The following RIMS2 variants were observed in gnomAD, a reference collection of about 807,000 sequenced individuals.
RIMS2 encodes the protein regulating synaptic membrane exocytosis 2.
RIMS2 carries 59 observed loss-of-function variants against 174.4 expected under a neutral mutation model. The observed-to-expected ratio is 0.34, with a 90% CI of 0.27 to 0.42. RIMS2 has a LOEUF of 0.42. Among genes scored for constraint, RIMS2 ranks in the 10% least tolerant of loss-of-function variants. RIMS2 has a pLI of 1.00. For missense variants in RIMS2, 1,620 were observed against 1,666.3 expected (o/e 0.97, Z 0.48); for synonymous variants, 606 against 572.5 (o/e 1.06, Z -0.84).
chr8:103,636,951 G>A (rs1297360058), intron 1 of RIMS2, among the ~76,000 whole-genome samples: 2 of 152,094 alleles, frequency 1.3e-5, no homozygotes, highest in African/African-American at 2.4e-5. Flanking sequence ...TGCAAACGAA[G>A]GATTCAAGCT....
At chr8:103,519,621 T>C (rs890477231) in intron 1 of RIMS2, among the ~76,000 whole-genome samples, 3 of 152,148 alleles carry the variant, frequency 2.0e-5, no homozygotes, top group Non-Finnish European at 2.9e-5. Context: ...TCCTGGACTT[T>C]TTTTAAGTCA....
At chr8:104,170,724 T>A (rs904445295) in intron 19 of RIMS2, among the ~76,000 whole-genome samples, 1 of 152,132 alleles carries the variant, frequency 6.6e-6, no homozygotes, top group African/African-American at 2.4e-5. Flanking sequence ...GATACTTTTT[T>A]TTCAATGTGT....
At chr8:103,612,287 G>C (rs1350490369) in intron 1 of RIMS2, among the ~76,000 whole-genome samples, 11 of 152,090 alleles carry the variant, frequency 7.2e-5, no homozygotes, top group Non-Finnish European at 1.6e-4. Flanking sequence ...ATTGGGCCCT[G>C]GTGCCTTATT....
intron 16 of RIMS2, among the ~76,000 whole-genome samples, chr8:103,987,932 T>C (rs1357293842): frequency 6.6e-6 from 1 of 152,180 alleles, no homozygotes; most frequent in Non-Finnish European, 1.5e-5. Flanking sequence ...AAGGAATTAA[T>C]GAGAGATATG....
chr8:103,970,857 A>G (rs913713859), intron 15 of RIMS2, among the ~76,000 whole-genome samples: 1 of 152,230 alleles, frequency 6.6e-6, no homozygotes, highest in Non-Finnish European at 1.5e-5. Context: ...AAACAGAAAC[A>G]GAAACTAGAA....
At chr8:103,729,884 T>C (rs1267024368) in intron 2 of RIMS2, among the ~76,000 whole-genome samples, 6 of 152,190 alleles carry the variant, frequency 3.9e-5, no homozygotes, top group Admixed American at 3.9e-4. Flanking sequence ...TTTTTAGTTT[T>C]ATTTCATTGT....
At chr8:103,891,333 T>C (rs1247785104) in intron 4 of RIMS2, among the ~76,000 whole-genome samples, 1 of 152,116 alleles carries the variant, frequency 6.6e-6, no homozygotes, top group African/African-American at 2.4e-5. Context: ...TAGAAGTTTG[T>C]GACTTACTTG....
At chr8:103,852,519 G>T (rs751032735) in intron 3 of RIMS2, among the ~76,000 whole-genome samples, 3 of 151,372 alleles carry the variant, frequency 2.0e-5, no homozygotes, top group African/African-American at 4.9e-5. Context: ...TGCAAGCATG[G>T]TACCTAATAG....
At chr8:103,757,277 C>G (rs1242737781) in intron 2 of RIMS2, among the ~76,000 whole-genome samples, 1 of 152,024 alleles carries the variant, frequency 6.6e-6, no homozygotes, top group Non-Finnish European at 1.5e-5. Context: ...TTCACACAAA[C>G]GAATCTTGCA....
chr8:104,239,162 C>T (rs1281112343), intron 19 of RIMS2, among the ~76,000 whole-genome samples: 2 of 152,180 alleles, frequency 1.3e-5, no homozygotes, highest in African/African-American at 4.8e-5. Flanking sequence ...GTTTCCAAGT[C>T]AGTAGCAGAA....
intron 3 of RIMS2, among the ~76,000 whole-genome samples, chr8:103,772,952 G>A (rs182495935): frequency 2.0e-5 from 3 of 152,226 alleles, no homozygotes; most frequent in East Asian, 3.9e-4. Flanking sequence ...ACTGAAAGTG[G>A]ATCATAGAGA....
At chr8:104,145,613 G>C (rs547689103) in intron 19 of RIMS2, among the ~76,000 whole-genome samples, 1 of 151,362 alleles carries the variant, frequency 6.6e-6, no homozygotes, top group South Asian at 2.1e-4. Context: ...ATCACCTGAG[G>C]TCAGGAGTTC....
rs571618985 is a variant in RIMS2, at chr8:104,150,047, G to A, written c.3335-94869G>A. Reference sequence around the variant, plus strand: ...ATTTTAATGATTTTTAAAATTGTTAGTATTTATACCTAATTAACTATGTTG... The same window carrying A: ...ATTTTAATGATTTTTAAAATTGTTAATATTTATACCTAATTAACTATGTTG... On this transcript the variant is annotated intron_variant, in intron 19 of 23. Transcript: ENST00000504942. 2.3e-3 allele frequency among the ~76,000 whole-genome samples: 348 copies of A among 152,166 alleles called. 2 individuals are homozygous for A. The highest frequency in any genetic ancestry group is 7.6e-3 in the African/African-American group (314 of 41,530).
At position 103,712,143 on chromosome 8, in the gene RIMS2, C is replaced by T. The variant is rs7843757; in HGVS notation, c.387+14847C>T. Among the ~76,000 whole-genome samples, 1,506 of 150,702 alleles carry T rather than the reference C, an allele frequency of 1.0e-2. 29 individuals carry two copies. The highest frequency in any genetic ancestry group is 0.035 in the African/African-American group (1,423 of 40,886). ...AGTAGCTGAGACTACAGGTGCACAC[C>T]GCCTCACCCGCTTAATTTTTAAACT... On this transcript the variant is annotated intron_variant, in intron 2 of 23. Transcript: ENST00000504942.
intron 2 of RIMS2, among the ~76,000 whole-genome samples, chr8:103,744,667 G>T (rs2097791381): frequency 6.6e-6 from 1 of 151,980 alleles, no homozygotes; most frequent in South Asian, 2.1e-4. Context: ...TATGCCTAAG[G>T]GCATTTTATG....
chr8:103,855,684 A>G (rs375992908), intron 3 of RIMS2, among the ~76,000 whole-genome samples: 2 of 151,870 alleles, frequency 1.3e-5, no homozygotes, highest in Admixed American at 1.3e-4. Context: ...GGTCATCTTG[A>G]TATTGATTTC....
At chr8:104,044,990 C>T (rs1344541363) in intron 19 of RIMS2, among the ~76,000 whole-genome samples, 1 of 151,768 alleles carries the variant, frequency 6.6e-6, no homozygotes, top group Non-Finnish European at 1.5e-5. Flanking sequence ...ATGTATTTCA[C>T]CTGTTTAATA....
intron 1 of RIMS2, among the ~76,000 whole-genome samples, chr8:103,641,684 G>A (rs1428839867): frequency 6.6e-6 from 1 of 152,026 alleles, no homozygotes; most frequent in African/African-American, 2.4e-5. Context: ...ATTCTTGGGG[G>A]TGGAGGGTAA....
At chr8:104,034,738 G>A (rs1405069967) in intron 19 of RIMS2, among the ~76,000 whole-genome samples, 2 of 151,948 alleles carry the variant, frequency 1.3e-5, no homozygotes, top group Admixed American at 1.3e-4. Context: ...CCAAAGTGCT[G>A]GAATTACAGG....
Sources: gnomAD v4.1 joint callset for allele counts (sites outside exome capture counted in the v4.1 genomes callset) on GRCh38, gnomAD v4.1.1 for gene constraint, MANE v1.5 for transcripts, NCBI Gene and HGNC (gene_info 2026-07-23, HGNC 2026-07-21) for gene names.